Variants in FAM227B observed in about 807,000 individuals in gnomAD.
The protein encoded by FAM227B is family with sequence similarity 227 member B, also known as protein FAM227B.
A neutral mutation model predicts 73.8 loss-of-function variants in FAM227B; 88 were observed. The observed-to-expected ratio is 1.19, with a 90% confidence interval of 1.00 to 1.42. FAM227B has a LOEUF of 1.42. Ranked by LOEUF, FAM227B falls within the 40% of genes most tolerant of loss-of-function variation. The pLI, the probability that FAM227B is intolerant of heterozygous loss-of-function variation, is 0.00. For synonymous variants in FAM227B, 210 were observed against 190.5 expected, an observed-to-expected ratio of 1.10 and a Z score of -0.84; for missense variants, 632 against 590.9, an observed-to-expected ratio of 1.07 and a Z score of -0.72.
intron 11 of FAM227B, among the ~76,000 whole-genome samples, chr15:49,375,441 C>T (rs1296558421): frequency 2.0e-5 from 3 of 151,964 alleles, no homozygotes; most frequent in Non-Finnish European, 2.9e-5. Flanking sequence ...TCTCTAAGGA[C>T]CAAATCATTG....
intron 5 of FAM227B, among the ~76,000 whole-genome samples, chr15:49,582,450 C>A (rs578183117): frequency 9.9e-5 from 15 of 152,248 alleles, no homozygotes; most frequent in Admixed American, 7.8e-4. Context: ...ATATATGCAC[C>A]CAACACAGGA....
Position 49,576,721 on chromosome 15 carries a change from A to T in FAM227B, c.546+20T>A, listed in dbSNP as rs768125335. On this transcript the variant is annotated intron_variant, in intron 7 of 15. Transcript: ENST00000299338. Reference sequence around the variant, plus strand: ...ATACTGTCAAAATGTATCCTACAATAAAATGAAATATTTACATACATCAAA... The same window carrying T: ...ATACTGTCAAAATGTATCCTACAATTAAATGAAATATTTACATACATCAAA... The T allele has an allele frequency of 2.3e-6, 3 of 1,318,196 alleles. No homozygotes were observed. Among genetic ancestry groups the T allele is most frequent in the Admixed American group, 3.5e-5 (2 of 57,946 alleles). 81.7% of individuals were successfully genotyped at this position (1,318,196 alleles called of 1,614,324 possible). A position where few individuals can be genotyped will look rare whatever the true frequency, so the allele number is the denominator to read the frequency against.
intron 11 of FAM227B, among the ~76,000 whole-genome samples, chr15:49,474,707 AGCTGCGGGTGAGCAAGCATTC>A (rs1349595696): frequency 1.3e-5 from 2 of 152,118 alleles, no homozygotes; most frequent in African/African-American, 4.8e-5. Flanking sequence ...GCAGGAGATG[AGCTGCGGGTGAGCAAGCATTC>A]CACCTCCTGT....
chr15:49,599,882 T>C (rs553490592), intron 3 of FAM227B, among the ~76,000 whole-genome samples: 2 of 152,286 alleles, frequency 1.3e-5, no homozygotes, highest in African/African-American at 2.4e-5. Flanking sequence ...TTGCATTTTG[T>C]TGCTTTTGGA....
chr15:49,596,883 T>A (rs745333546), intron 3 of FAM227B, among the ~76,000 whole-genome samples: 1 of 151,936 alleles, frequency 6.6e-6, no homozygotes. Flanking sequence ...AGAGGGACAT[T>A]ATATAATGAT....
At position 49,618,925 on chromosome 15, in the gene FAM227B, T is replaced by C. The variant is rs145722309; in HGVS notation, c.-73+1775A>G. Reference sequence around the variant, plus strand: ...GTGCTCACCAATATGTGTGTGTTTCTCTACATTTCTCAGGATCCCCGGCAG... The same window carrying C: ...GTGCTCACCAATATGTGTGTGTTTCCCTACATTTCTCAGGATCCCCGGCAG... On this transcript the variant is annotated intron_variant, in intron 1 of 15. Transcript: ENST00000299338. 8.5e-5 allele frequency among the ~76,000 whole-genome samples: 13 copies of C among 152,338 alleles called. No homozygotes were observed. The East Asian group carries it at 2.5e-3, about 29-fold the overall frequency.
intron 8 of FAM227B, among the ~76,000 whole-genome samples, chr15:49,571,667 T>G (rs896279282): frequency 1.3e-5 from 2 of 151,964 alleles, no homozygotes; most frequent in Non-Finnish European, 2.9e-5. Context: ...AACGCGTAGA[T>G]TCATTTGGGG....
intron 10 of FAM227B, among the ~76,000 whole-genome samples, chr15:49,538,586 T>C (rs1418578303): frequency 6.6e-6 from 1 of 152,108 alleles, no homozygotes; most frequent in Non-Finnish European, 1.5e-5. Context: ...TCTGAAAAGG[T>C]TGCAATGTAA....
chr15:49,334,287 TTTTCCC>T (rs2039312438), intron 14 of FAM227B: 1 of 970,716 alleles, frequency 1.0e-6, no homozygotes, highest in Non-Finnish European at 1.2e-6. Flanking sequence ...AATTCTGAGC[TTTTCCC>T]TATAAAGTTA....
intron 13 of FAM227B, among the ~76,000 whole-genome samples, chr15:49,336,237 C>G (rs531564789): frequency 2.6e-5 from 4 of 152,380 alleles, no homozygotes; most frequent in East Asian, 3.9e-4. Context: ...AGGTGGTAAT[C>G]AGAATGTCCA....
chr15:49,575,004 A>T lies in FAM227B; in HGVS notation c.645+7T>A, dbSNP rs777404527. Reference sequence around the variant, plus strand: ...CTTAAAAAATAAATTTTTAAAAATCACTATACCCTAAATTTATGGAGAAAC... The same window carrying T: ...CTTAAAAAATAAATTTTTAAAAATCTCTATACCCTAAATTTATGGAGAAAC... On this transcript the variant is annotated splice_region_variant and intron_variant, in intron 8 of 15. Transcript: ENST00000299338. The T allele has an allele frequency of 4.0e-6, 6 of 1,517,116 alleles. No individual in the cohort carries two copies. The highest frequency in any genetic ancestry group is 5.4e-6 in the Non-Finnish European group (6 of 1,112,296). 94.0% of individuals were successfully genotyped at this position (1,517,116 alleles called of 1,614,324 possible).
At chr15:49,578,125 T>C (rs2075579088) in intron 5 of FAM227B, among the ~76,000 whole-genome samples, 1 of 152,242 alleles carries the variant, frequency 6.6e-6, no homozygotes, top group Non-Finnish European at 1.5e-5. Flanking sequence ...AGAAGAGTTC[T>C]AGAGCTGAAA....
chr15:49,397,318 G>A (rs1042176599), intron 11 of FAM227B, among the ~76,000 whole-genome samples: 10 of 152,018 alleles, frequency 6.6e-5, no homozygotes, highest in African/African-American at 2.4e-4. Flanking sequence ...AAGGAAATGA[G>A]CAAAGCCTCC....
chr15:49,617,037 A>C (rs1464431013), intron 1 of FAM227B, among the ~76,000 whole-genome samples: 7 of 152,102 alleles, frequency 4.6e-5, no homozygotes, highest in Admixed American at 4.6e-4. Flanking sequence ...TATCTTTATT[A>C]GTCCCTTTTC....
chr15:49,346,188 C>T (rs1421519186), intron 13 of FAM227B, among the ~76,000 whole-genome samples: 1 of 152,122 alleles, frequency 6.6e-6, no homozygotes, highest in Admixed American at 6.5e-5. Context: ...GAAACTTGGG[C>T]CAGCTCCTGT....
intron 11 of FAM227B, among the ~76,000 whole-genome samples, chr15:49,468,587 A>T (rs142000342): frequency 2.0e-5 from 3 of 152,300 alleles, no homozygotes; most frequent in Admixed American, 6.5e-5. Context: ...TTCAGGGTTC[A>T]TGGGAAAAGA....
chr15:49,540,885 C>T (rs76890855), intron 10 of FAM227B, among the ~76,000 whole-genome samples: 2,303 of 152,140 alleles, frequency 0.015, 49 homozygotes, highest in African/African-American at 0.053. Context: ...GATTCTTACC[C>T]GTGTGTATTC....
intron 10 of FAM227B, among the ~76,000 whole-genome samples, chr15:49,532,416 A>G (rs2060678190): frequency 6.6e-6 from 1 of 151,996 alleles, no homozygotes; most frequent in African/African-American, 2.4e-5. Context: ...GTAAGTTAAA[A>G]AAGAACAGCA....
At chr15:49,550,180 T>C (rs1444285488) in intron 9 of FAM227B, among the ~76,000 whole-genome samples, 20 of 105,414 alleles carry the variant, frequency 1.9e-4, no homozygotes, top group Admixed American at 6.7e-4. Context: ...ACCTCCCTCC[T>C]GGACGGGGTG....
Sources: allele counts gnomAD v4.1 joint callset (sites outside exome capture counted in the v4.1 genomes callset), GRCh38; gene constraint gnomAD v4.1.1; transcripts MANE v1.5; gene names NCBI Gene and HGNC (gene_info 2026-07-23, HGNC 2026-07-21).